CNTN5: variants seen among roughly 807,000 people sequenced by gnomAD.
CNTN5 encodes the protein contactin 5.
In CNTN5, 77 loss-of-function variants were observed where a neutral mutation model predicts 129.1. The observed-to-expected ratio is 0.60, with a 90% confidence interval of 0.50 to 0.72. The LOEUF (loss-of-function observed/expected upper bound fraction) is 0.72, where lower values mean the gene tolerates loss of function less well. Among genes scored for constraint, CNTN5 ranks in the 30% least tolerant of loss-of-function variants. The probability of loss-of-function intolerance (pLI) is 0.00; values close to 1 mark genes in which losing one functional copy is unlikely to be tolerated. For missense variants in CNTN5, 1,478 were observed against 1,328.8 expected (o/e 1.11, Z -1.75); for synonymous variants, 509 against 465.6 (o/e 1.09, Z -1.20).
intron 6 of CNTN5, among the ~76,000 whole-genome samples, chr11:99,873,358 C>T (rs1401694783): frequency 6.6e-6 from 1 of 151,338 alleles, no homozygotes; most frequent in African/African-American, 2.4e-5. Context: ...TCTATAAGAA[C>T]TCAACAAGAA....
intron 7 of CNTN5, among the ~76,000 whole-genome samples, chr11:99,949,284 G>A (rs899723000): frequency 1.3e-5 from 2 of 152,154 alleles, no homozygotes; most frequent in Admixed American, 1.3e-4. Context: ...GGTAAATGCT[G>A]AGATTACCTT....
chr11:99,021,641 C>A (rs1047426611), intron 1 of CNTN5, among the ~76,000 whole-genome samples: 1 of 152,106 alleles, frequency 6.6e-6, no homozygotes, highest in Non-Finnish European at 1.5e-5. Context: ...AATAGGATGC[C>A]GTTCTCAGGT....
chr11:99,131,204 C>A (rs1316804747), intron 1 of CNTN5, among the ~76,000 whole-genome samples: 1 of 139,424 alleles, frequency 7.2e-6, no homozygotes, highest in Non-Finnish European at 1.5e-5. Context: ...GCTGAGATTG[C>A]ACCACTGCAC....
At chr11:100,044,240 T>A (rs955903203) in intron 9 of CNTN5, among the ~76,000 whole-genome samples, 9 of 152,118 alleles carry the variant, frequency 5.9e-5, no homozygotes, top group Non-Finnish European at 1.3e-4. Flanking sequence ...TAATGGATAC[T>A]CAGGTTGATT....
At chr11:99,154,620 A>T (rs1860243996) in intron 1 of CNTN5, among the ~76,000 whole-genome samples, 1 of 152,150 alleles carries the variant, frequency 6.6e-6, no homozygotes, top group East Asian at 1.9e-4. Context: ...CTGTGGTAGA[A>T]GGAAGGTGTG....
At chr11:99,265,334 T>C (rs1862838034) in intron 1 of CNTN5, among the ~76,000 whole-genome samples, 1 of 152,060 alleles carries the variant, frequency 6.6e-6, no homozygotes, top group Admixed American at 6.6e-5. Flanking sequence ...AGAAAGAGTA[T>C]AGATTTATCA....
At chr11:99,884,468 GTAGAA>G (rs1948847409) in intron 6 of CNTN5, among the ~76,000 whole-genome samples, 1 of 152,126 alleles carries the variant, frequency 6.6e-6, no homozygotes. Flanking sequence ...TATTTAAAGA[GTAGAA>G]TAGACATTGT....
At chr11:99,373,170 T>C (rs1227002263) in intron 2 of CNTN5, among the ~76,000 whole-genome samples, 1 of 151,828 alleles carries the variant, frequency 6.6e-6, no homozygotes, top group Non-Finnish European at 1.5e-5. Context: ...GATCGCACCA[T>C]TGCACTCCAG....
chr11:99,915,947 A>G, intron 6 of CNTN5, 107 bp from the exon 7 acceptor site: 1 of 827,894 alleles, frequency 1.2e-6, no homozygotes, highest in African/African-American at 1.7e-5. Flanking sequence ...TTAACAAACA[A>G]AAGACACCTT....
intron 2 of CNTN5, among the ~76,000 whole-genome samples, chr11:99,332,742 A>C (rs532693015): frequency 6.6e-6 from 1 of 152,158 alleles, no homozygotes; most frequent in African/African-American, 2.4e-5. Flanking sequence ...CAAAATTAGG[A>C]AGCAGAAAAC....
At chr11:100,051,061 C>T (rs1000284462) in intron 9 of CNTN5, among the ~76,000 whole-genome samples, 1 of 151,984 alleles carries the variant, frequency 6.6e-6, no homozygotes, top group Admixed American at 6.6e-5. Context: ...CAGTAAATAA[C>T]CTTATTCTCC....
chr11:99,401,371 T>A (rs142833257), intron 2 of CNTN5, among the ~76,000 whole-genome samples: 1 of 152,180 alleles, frequency 6.6e-6, no homozygotes, highest in African/African-American at 2.4e-5. Context: ...GGTACCTTTG[T>A]CAGAAATGAA....
chr11:99,863,270 T>C (rs1948263704), intron 6 of CNTN5, among the ~76,000 whole-genome samples: 1 of 152,034 alleles, frequency 6.6e-6, no homozygotes, highest in South Asian at 2.1e-4. Flanking sequence ...AAGGACAAAG[T>C]CAATGAGAGA....
chr11:100,141,939 G>A (rs1946707369), intron 13 of CNTN5, among the ~76,000 whole-genome samples: 1 of 152,040 alleles, frequency 6.6e-6, no homozygotes, highest in Admixed American at 6.6e-5. Context: ...GGAAAGAGCT[G>A]CCCTCAATGT....
intron 13 of CNTN5, among the ~76,000 whole-genome samples, chr11:100,141,851 G>A (rs955269854): frequency 6.6e-6 from 1 of 152,078 alleles, no homozygotes; most frequent in Non-Finnish European, 1.5e-5. Context: ...TACCTTGAAA[G>A]CCAGTAAAGC....
chr11:99,733,248 G>T (rs899220092), intron 3 of CNTN5, among the ~76,000 whole-genome samples: 1 of 151,384 alleles, frequency 6.6e-6, no homozygotes, highest in Admixed American at 6.6e-5. Context: ...CTTGAACCTG[G>T]GAGGCGGAGG....
chr11:100,323,058 A>G (rs1951725588), intron 21 of CNTN5, among the ~76,000 whole-genome samples: 1 of 152,138 alleles, frequency 6.6e-6, no homozygotes. Context: ...TATGCTTTTT[A>G]AAAATTGCCA....
At chr11:99,466,580 C>CAAGA (rs1944953749) in intron 2 of CNTN5, among the ~76,000 whole-genome samples, 1 of 152,094 alleles carries the variant, frequency 6.6e-6, no homozygotes, top group Non-Finnish European at 1.5e-5. Flanking sequence ...GGCAAGGCTA[C>CAAGA]TGTGTAATAA....
At chr11:100,198,440 T>C (rs1948700778) in intron 15 of CNTN5, among the ~76,000 whole-genome samples, 1 of 151,268 alleles carries the variant, frequency 6.6e-6, no homozygotes, top group South Asian at 2.1e-4. Context: ...ACACAATAGC[T>C]CACTGATTCC....
Sources: allele counts gnomAD v4.1 joint callset (sites outside exome capture counted in the v4.1 genomes callset), GRCh38; gene constraint gnomAD v4.1.1; transcripts MANE v1.5; gene names NCBI Gene and HGNC (gene_info 2026-07-23, HGNC 2026-07-21).